Variants in DDX56 observed in about 807,000 individuals in gnomAD.
The protein encoded by DDX56 is DEAD-box helicase 56.
A neutral mutation model predicts 61.5 loss-of-function variants in DDX56; 45 were observed. The ratio of observed to expected loss-of-function variants is 0.73; its 90% CI spans 0.58 to 0.94. DDX56 has a LOEUF of 0.94. DDX56 is among the 40% of genes least tolerant of loss of function. The pLI is 0.00. For synonymous variants in DDX56, 273 were observed against 268.3 expected (o/e 1.02, Z -0.17); for missense variants, 708 against 690.7 (o/e 1.02, Z -0.28).
intron 6 of DDX56, 113 bp downstream of exon 6, chr7:44,571,379 G>T: frequency 7.9e-7 from 1 of 1,268,762 alleles, no homozygotes; most frequent in Non-Finnish European, 1.1e-6. Flanking sequence ...GTCAGTATCA[G>T]TCACATCTAG....
chr7:44,570,685 T>C (rs1585172152), intron 7 of DDX56, 73 bp downstream of exon 7: 4 of 1,541,420 alleles, frequency 2.6e-6, no homozygotes. Flanking sequence ...CTGTGCACTC[T>C]GGTTTTAGTC....
At chr7:44,569,304 G>T in intron 9 of DDX56, 101 bp from the exon 10 acceptor site, 4 of 1,117,096 alleles carry the variant, frequency 3.6e-6, no homozygotes, top group Non-Finnish European at 5.2e-6. Flanking sequence ...AAGCAGCAGG[G>T]GACCCACCGC....
Position 44,568,044 on chromosome 7 carries a change from G to T in DDX56, c.1489+74C>A, listed in dbSNP as rs1157785399. 4.1e-6 allele frequency: 5 copies of T among 1,217,538 alleles called. No homozygotes were observed. In the East Asian group the frequency reaches 9.6e-5, roughly 23 times the overall value. The allele number at this position is 1,217,538 out of a possible 1,614,324, so 75.4% of individuals were successfully genotyped here. ...GAGCATCCCCAGCACCAAGCACAGG[G>T]GCTGACCCAGCAGTGGAGAAATTAA... On this transcript the variant is annotated intron_variant, in intron 12 of 13. Coordinates refer to ENST00000258772, the MANE Select transcript of DDX56 (RefSeq NM_019082.4).
chr7:44,570,266 C>T (rs1224551733), intron 7 of DDX56, 138 bp from the exon 8 acceptor site: 3 of 1,161,444 alleles, frequency 2.6e-6, no homozygotes, highest in Non-Finnish European at 2.4e-6. Flanking sequence ...ACAATGGAAC[C>T]GTTCCAGGAG....
intron 13 of DDX56, 45 bp from the exon 14 acceptor site, chr7:44,566,124 A>G (rs1176088985): frequency 7.5e-7 from 1 of 1,337,182 alleles, no homozygotes; most frequent in African/African-American, 1.4e-5. Context: ...TCAGGCCGAC[A>G]GACAATCCAC....
At chr7:44,566,404 T>C (rs1562582499) in intron 13 of DDX56, 44 bp downstream of exon 13, 41 of 1,461,826 alleles carry the variant, frequency 2.8e-5, no homozygotes, top group Non-Finnish European at 3.8e-5. Context: ...AAAGAGCAGG[T>C]TGGGAGGAGT....
intron 6 of DDX56, 50 bp from the exon 7 acceptor site, chr7:44,570,927 C>A (rs747245443): frequency 1.9e-6 from 3 of 1,578,084 alleles, no homozygotes; most frequent in Admixed American, 3.5e-5. Context: ...AAGCTCAAGG[C>A]CCCTCTGCCA....
At chr7:44,571,002 A>C in intron 6 of DDX56, 125 bp from the exon 7 acceptor site, 1 of 1,221,502 alleles carries the variant, frequency 8.2e-7, no homozygotes, top group Non-Finnish European at 1.1e-6. Context: ...TCCCTACTTA[A>C]TCATTGTGCC....
In DDX56 at chr7:44,568,926, G is replaced by GCT; in HGVS notation, c.1358_1359dup (p.Leu454SerfsTer33). 1 of 1,614,064 alleles carries GCT rather than the reference G, an allele frequency of 6.2e-7. No individual in the cohort carries two copies. The highest frequency in any genetic ancestry group is 1.3e-5 in the African/African-American group (1 of 75,038). On this transcript the variant is annotated frameshift_variant, in exon 11 of 14. Coordinates refer to ENST00000258772, the MANE Select transcript of DDX56 (RefSeq NM_019082.4). LOFTEE classifies it high-confidence loss of function. ...ACCTTAAGCTTCTCAGAATGCAGAA[G>GCT]CTCTTCCTTGATCTCCTTCAATCTT...
At chr7:44,566,665 A>C in intron 12 of DDX56, 141 bp from the exon 13 acceptor site, 1 of 587,024 alleles carries the variant, frequency 1.7e-6, no homozygotes, top group Non-Finnish European at 3.0e-6. Context: ...ACATCTGCAC[A>C]GGGCCAGGAG....
At chr7:44,572,830 A>G in intron 3 of DDX56, 60 bp downstream of exon 3, 1 of 1,600,072 alleles carries the variant, frequency 6.2e-7, no homozygotes, top group Admixed American at 1.7e-5. Flanking sequence ...GCCACACACA[A>G]ACCCAACCCC....
rs771700482 is a variant in DDX56 at position 44,573,060 on chromosome 7, T to C, written c.223-10A>G. On this transcript the variant is annotated splice_polypyrimidine_tract_variant and intron_variant, in intron 2 of 13. Coordinates refer to ENST00000258772, the MANE Select transcript of DDX56 (RefSeq NM_019082.4). ...CTACCACCGGACCTGTCTGTAAGAA[T>C]ATGAATTAAAGACTTTAGCCAGCAG... 2.6e-6 allele frequency: 4 copies of C among 1,556,458 alleles called. No homozygotes were observed. Among genetic ancestry groups the C allele is most frequent in the Middle Eastern group, 3.5e-4 (2 of 5,758 alleles).
At position 44,571,510 on chromosome 7, in the gene DDX56, T is replaced by G. The variant is rs367882554; in HGVS notation, c.872A>C (p.Glu291Ala). 2.0e-5 allele frequency: 32 copies of G among 1,613,882 alleles called. No individual in the cohort carries two copies. In the East Asian group the frequency reaches 3.6e-4, roughly 18 times the overall value. ...GGCAGACCTGGAGCGCAGTGGAAGCTCTCCATTGAGCACACAGGTGGGGAT... is the reference window on the plus strand; with the variant it reads ...GGCAGACCTGGAGCGCAGTGGAAGCGCTCCATTGAGCACACAGGTGGGGAT... The part of the protein sequence containing the change: ...FSIPTCVLNG[E>A]LPLRSRCHII... Residue 291 changes from glutamate (E) to alanine (A), a missense_variant, in exon 6 of 14, where the codon GAG becomes GCG. Physicochemically the swap from Glu to Ala is moderately radical, Grantham distance 107. Transcript: ENST00000258772.
rs776488974 is a variant in DDX56, at chr7:44,570,052, G to A, written c.1087C>T (p.Pro363Ser). Residue 363 changes from proline to serine, a missense_variant, in exon 8 of 14, where the codon CCC becomes TCC. Pro to Ser is a moderately conservative substitution (Grantham distance 74, BLOSUM62 -1). Transcript: ENST00000258772. ...HVSAVLNFDLPPTPEAYIHRA... is the reference protein window; with the variant it reads ...HVSAVLNFDLSPTPEAYIHRA... ...TGGATGTAGGCCTCAGGGGTTGGGG[G>A]AAGATCAAAGTTGAGCACAGCAGAC... 1 of 1,614,190 alleles carries A rather than the reference G, an allele frequency of 6.2e-7. No homozygotes were observed.
chr7:44,566,551 G>A, intron 12 of DDX56, 27 bp from the exon 13 acceptor site: 1 of 1,510,938 alleles, frequency 6.6e-7, no homozygotes, highest in Non-Finnish European at 9.0e-7. Flanking sequence ...CCTGAGCAGT[G>A]GGCTCACCGC....
At chr7:44,570,625 G>T in intron 7 of DDX56, 133 bp downstream of exon 7, 1 of 1,215,944 alleles carries the variant, frequency 8.2e-7, no homozygotes. Flanking sequence ...AACCTGTGGG[G>T]CTCTCTGGGC....
Position 44,572,338 on chromosome 7 carries a change from G to A in DDX56, c.645+9C>T, listed in dbSNP as rs1802696612. The A allele has an allele frequency of 1.9e-6, 3 of 1,610,774 alleles. No homozygotes were observed. Among genetic ancestry groups the A allele is most frequent in the Admixed American group, 3.3e-5 (2 of 59,976 alleles). ...CTGCAGCTCCAGACACTTCCATGGT[G>A]CCTCTTACCGGGTTATGTAATATCA... On this transcript the variant is annotated intron_variant, in intron 5 of 13. Coordinates refer to ENST00000258772, the MANE Select transcript of DDX56 (RefSeq NM_019082.4).
intron 3 of DDX56, 69 bp from the exon 4 acceptor site, chr7:44,572,813 C>CT: frequency 6.2e-7 from 1 of 1,604,414 alleles, no homozygotes. Flanking sequence ...GATTTGCTCT[C>CT]TTTTTTGCCA....
chr7:44,566,029 T>C lies in DDX56; in HGVS notation c.1617A>G (p.Lys539=), dbSNP rs1243582654. Residue 539 remains lysine, a synonymous_variant, in exon 14 of 14, where the codon AAA becomes AAG. Transcript: ENST00000258772. ...AGGAGGGCTTGGCTGTGGGTCTGAA[T>C]TTCTTTCCTTTGTGCTTGAAGCTGC... ...PLRSFKHKGK[K]FRPTAKPS is the part of the protein sequence containing the mutation. 1 of 1,613,062 alleles carries C rather than the reference T, an allele frequency of 6.2e-7. No individual in the cohort carries two copies. The highest frequency in any genetic ancestry group is 8.5e-7 in the Non-Finnish European group (1 of 1,179,904).
Sources: allele counts gnomAD v4.1 joint callset, GRCh38; gene constraint gnomAD v4.1.1; transcripts MANE v1.5; gene names NCBI Gene and HGNC (gene_info 2026-07-23, HGNC 2026-07-21).